The following HECTD2 variants were observed in gnomAD, a reference collection of about 807,000 sequenced individuals.
The protein encoded by HECTD2 is HECT domain E3 ubiquitin protein ligase 2.
In HECTD2, 35 loss-of-function variants were observed where a neutral mutation model predicts 103.2. That is an observed-to-expected ratio of 0.34 (90% confidence interval 0.26 to 0.45). The LOEUF is 0.45. Among genes scored for constraint, HECTD2 ranks in the 20% least tolerant of loss-of-function variants. The probability of loss-of-function intolerance (pLI) is 1.00; values close to 1 mark genes in which losing one functional copy is unlikely to be tolerated. For missense variants in HECTD2, 596 were observed against 937.4 expected, an observed-to-expected ratio of 0.64 and a Z score of 4.76; for synonymous variants, 281 against 329.9, an observed-to-expected ratio of 0.85 and a Z score of 1.61.
At chr10:91,420,074 T>G (rs1161241048) in intron 1 of HECTD2, among the ~76,000 whole-genome samples, 1 of 152,190 alleles carries the variant, frequency 6.6e-6, no homozygotes, top group African/African-American at 2.4e-5. Flanking sequence ...ATGAAAGTCT[T>G]AGGTTGTAAG....
intron 7 of HECTD2, among the ~76,000 whole-genome samples, chr10:91,481,519 T>G (rs1846084768): frequency 6.6e-6 from 1 of 151,626 alleles, no homozygotes; most frequent in Non-Finnish European, 1.5e-5. Flanking sequence ...GATTTTCTTT[T>G]ATTTTCCCAT....
At chr10:91,505,829 A>G (rs1847138833) in intron 20 of HECTD2, among the ~76,000 whole-genome samples, 1 of 152,060 alleles carries the variant, frequency 6.6e-6, no homozygotes, top group Non-Finnish European at 1.5e-5. Context: ...CATTTTTTTC[A>G]GCACCACACC....
In HECTD2 at chr10:91,460,508, C is replaced by T. The variant is rs753564446; in HGVS notation, c.350C>T (p.Ala117Val). The T allele has an allele frequency of 1.2e-6, 2 of 1,612,080 alleles. No homozygotes were observed. The highest frequency in any genetic ancestry group is 1.1e-5 in the South Asian group (1 of 90,790). The change falls in exon 3 of 21, where the codon GCC (alanine) becomes GTC (valine). Residue 117 changes from alanine to valine, a missense_variant. Coordinates refer to ENST00000298068, the MANE Select transcript of HECTD2 (RefSeq NM_182765.6). Reference protein sequence around the residue: ...SMDASSSEMKAPVLPEPILPI... With the variant: ...SMDASSSEMKVPVLPEPILPI... Reference sequence around the variant, plus strand: ...GATGCATCATCATCCGAAATGAAGGCCCCAGTCCTTCCAGAACCTATTCTT... The same window carrying T: ...GATGCATCATCATCCGAAATGAAGGTCCCAGTCCTTCCAGAACCTATTCTT...
At chr10:91,485,484 T>G (rs1589532497) in intron 10 of HECTD2, 181 bp downstream of exon 10, 1 of 485,868 alleles carries the variant, frequency 2.1e-6, no homozygotes, top group Non-Finnish European at 3.5e-6. Context: ...CATTTTGAAT[T>G]TATGTACATG....
intron 1 of HECTD2, among the ~76,000 whole-genome samples, chr10:91,417,419 G>T (rs557026179): frequency 1.3e-5 from 2 of 151,120 alleles, no homozygotes; most frequent in African/African-American, 4.9e-5. Flanking sequence ...TGTGCACAAC[G>T]TGCAGTTCTG....
chr10:91,487,452 T>G lies in HECTD2; in HGVS notation c.1095-230T>G, dbSNP rs987477839. On this transcript the variant is annotated intron_variant, in intron 10 of 20. Coordinates refer to ENST00000298068, the MANE Select transcript of HECTD2 (RefSeq NM_182765.6). The surrounding 1 kb of genome is among the most constrained non-coding windows in gnomAD (Gnocchi z 4.1). ...AGTGGTTAGCACACATTCAGAACCTTTGATGTAGCTTCTGCAGAGAATAAA... is the reference window on the plus strand; with the variant it reads ...AGTGGTTAGCACACATTCAGAACCTGTGATGTAGCTTCTGCAGAGAATAAA... 1.6e-5 allele frequency: 8 copies of G among 516,054 alleles called. No homozygotes were observed. Among genetic ancestry groups the G allele is most frequent in the Non-Finnish European group, 2.8e-5 (8 of 282,482 alleles). The allele number at this position is 516,054 out of a possible 1,614,324, so 32.0% of individuals were successfully genotyped here.
intron 18 of HECTD2, among the ~76,000 whole-genome samples, chr10:91,499,660 C>G (rs1158517509): frequency 2.0e-5 from 3 of 152,260 alleles, no homozygotes; most frequent in African/African-American, 7.2e-5. Flanking sequence ...TATGGATCAG[C>G]TACTATTTAG....
intron 2 of HECTD2, among the ~76,000 whole-genome samples, chr10:91,458,019 A>G (rs1396545453): frequency 1.4e-5 from 2 of 139,088 alleles, no homozygotes; most frequent in African/African-American, 6.0e-5. Flanking sequence ...ATAATTGTCT[A>G]TGCAAAAAAA....
intron 5 of HECTD2, among the ~76,000 whole-genome samples, chr10:91,465,005 T>G (rs1845480407): frequency 6.6e-6 from 1 of 152,200 alleles, no homozygotes; most frequent in South Asian, 2.1e-4. Flanking sequence ...ACTAAAAAAT[T>G]TTCATACATA....
At chr10:91,445,617 C>T (rs754270999) in intron 2 of HECTD2, among the ~76,000 whole-genome samples, 19 of 151,996 alleles carry the variant, frequency 1.3e-4, no homozygotes, top group Non-Finnish European at 2.6e-4. Flanking sequence ...AGGAACAGCT[C>T]CGGTCTGCAG....
intron 11 of HECTD2, chr10:91,488,995 C>A (rs1846366420): frequency 1.3e-5 from 2 of 151,978 alleles, no homozygotes; most frequent in Middle Eastern, 3.2e-3. Context: ...ATGTCATGTG[C>A]CTTTTTAGTA....
chr10:91,475,091 A>G (rs1845856647), intron 5 of HECTD2, among the ~76,000 whole-genome samples: 2 of 152,298 alleles, frequency 1.3e-5, no homozygotes, highest in East Asian at 1.9e-4. Context: ...TGCAAGTTTA[A>G]TTGTATGGTA....
chr10:91,495,472 C>T (rs1242022530), intron 14 of HECTD2, among the ~76,000 whole-genome samples: 1 of 151,914 alleles, frequency 6.6e-6, no homozygotes, highest in Non-Finnish European at 1.5e-5. Flanking sequence ...TTTAGATTTC[C>T]TTATGATCCT....
chr10:91,470,188 C>T (rs1845674824), intron 5 of HECTD2, among the ~76,000 whole-genome samples: 1 of 152,152 alleles, frequency 6.6e-6, no homozygotes, highest in Non-Finnish European at 1.5e-5. Flanking sequence ...ATACATGGGA[C>T]CTGAACTTGT....
At chr10:91,463,992 A>G (rs916063288) in intron 5 of HECTD2, among the ~76,000 whole-genome samples, 8 of 152,194 alleles carry the variant, frequency 5.3e-5, no homozygotes, top group African/African-American at 1.7e-4. Flanking sequence ...TTTGAATTTA[A>G]GTCGTTTTTT....
chr10:91,455,123 G>C (rs563211542), intron 2 of HECTD2, among the ~76,000 whole-genome samples: 1 of 152,020 alleles, frequency 6.6e-6, no homozygotes, highest in Non-Finnish European at 1.5e-5. Context: ...TTTCTAGTTC[G>C]AGATCCTTGA....
At chr10:91,444,677 T>G (rs1469360505) in intron 2 of HECTD2, among the ~76,000 whole-genome samples, 1 of 152,180 alleles carries the variant, frequency 6.6e-6, no homozygotes, top group Admixed American at 6.5e-5. Flanking sequence ...TTCTCACAGA[T>G]GATTCTTAAA....
At chr10:91,455,124 A>C (rs1845024755) in intron 2 of HECTD2, among the ~76,000 whole-genome samples, 3 of 152,182 alleles carry the variant, frequency 2.0e-5, no homozygotes, top group Non-Finnish European at 4.4e-5. Flanking sequence ...TTCTAGTTCG[A>C]GATCCTTGAG....
At chr10:91,498,056 C>G (rs1178589146) in intron 15 of HECTD2, 52 bp from the exon 16 acceptor site, 1 of 1,222,396 alleles carries the variant, frequency 8.2e-7, no homozygotes, top group African/African-American at 1.5e-5. Context: ...ACTTCATTAT[C>G]CTAGCTAATG....
Sources: allele counts gnomAD v4.1 joint callset (sites outside exome capture counted in the v4.1 genomes callset), GRCh38; gene constraint gnomAD v4.1.1; non-coding constraint Gnocchi (gnomAD v3.1); transcripts MANE v1.5; gene names NCBI Gene and HGNC (gene_info 2026-07-23, HGNC 2026-07-21).